Variants in RNF34 observed in about 807,000 individuals in gnomAD.
RNF34 encodes E3 ubiquitin-protein ligase RNF34.
Under a neutral mutation model 37.9 loss-of-function variants are expected in RNF34, and 12 were observed. That is an observed-to-expected ratio of 0.32 (90% CI 0.20 to 0.51). The LOEUF is 0.51. Ranked by LOEUF, RNF34 falls within the 20% of genes least tolerant of loss-of-function variation. The probability of loss-of-function intolerance (pLI) is 0.97; values close to 1 mark genes in which losing one functional copy is unlikely to be tolerated. For missense variants in RNF34, 362 were observed against 472.7 expected, an observed-to-expected ratio of 0.77 and a Z score of 2.17; for synonymous variants, 155 against 177.2, an observed-to-expected ratio of 0.87 and a Z score of 1.00.
chr12:121,406,857 T>G (rs1232118381), intron 1 of RNF34, among the ~76,000 whole-genome samples: 4 of 152,208 alleles, frequency 2.6e-5, no homozygotes, highest in Non-Finnish European at 5.9e-5. Context: ...TGTTTTAAAC[T>G]ACATTCATGG....
intron 1 of RNF34, among the ~76,000 whole-genome samples, chr12:121,409,190 G>T (rs187530348): frequency 1.3e-5 from 2 of 152,252 alleles, no homozygotes; most frequent in Non-Finnish European, 2.9e-5. Flanking sequence ...ATGTTGGCCA[G>T]GCTGGTCTCA....
chr12:121,423,520 G>C lies in RNF34; in HGVS notation c.1063G>C (p.Glu355Gln). The change falls in exon 6 of 6, where the codon GAG becomes CAG. Residue 355 changes from glutamate (E) to glutamine (Q), a missense_variant. Glu to Gln is a conservative substitution (Grantham distance 29). Coordinates refer to ENST00000361234, the MANE Select transcript of RNF34 (RefSeq NM_025126.4). The surrounding 1 kb of genome is among the most constrained non-coding windows in gnomAD (Gnocchi z 4.3). The part of the protein sequence containing the change: ...TCTKCGKRMS[E>Q]CPICRQYVVR... ...CACCAAGTGCGGCAAGCGCATGAGT[G>C]AGTGTCCCATCTGCCGGCAGTATGT... The C allele has an allele frequency of 1.2e-6, 2 of 1,614,214 alleles. No individual in the cohort carries two copies. Among genetic ancestry groups the C allele is most frequent in the Non-Finnish European group, 1.7e-6 (2 of 1,180,036 alleles).
rs1555279831 is a variant in RNF34 at position 121,400,233 on chromosome 12, G to T, written c.6+15G>T. On this transcript the variant is annotated intron_variant, in intron 1 of 5. Coordinates refer to ENST00000361234, the MANE Select transcript of RNF34 (RefSeq NM_025126.4). ...CGGCCATGAAGGTGAGGGGCCGGTG[G>T]AGCCGGACAGACCCTCCTCGCCAAT... 6.2e-7 allele frequency: 1 copy of T among 1,608,088 alleles called. No individual in the cohort carries two copies. The highest frequency in any genetic ancestry group is 2.2e-5 in the East Asian group (1 of 44,566).
chr12:121,414,762 T>C (rs1871400580), intron 1 of RNF34, among the ~76,000 whole-genome samples: 2 of 151,350 alleles, frequency 1.3e-5, no homozygotes. Flanking sequence ...AATCTCCGCC[T>C]CCCGAATTCA....
At chr12:121,407,404 A>G (rs1314930726) in intron 1 of RNF34, among the ~76,000 whole-genome samples, 1 of 152,244 alleles carries the variant, frequency 6.6e-6, no homozygotes, top group Non-Finnish European at 1.5e-5. Flanking sequence ...CCAAAAGGGT[A>G]TGCCTAGTAT....
chr12:121,420,744 G>T lies in RNF34; in HGVS notation c.894G>T (p.Arg298=), dbSNP rs143217753. 6.2e-7 allele frequency: 1 copy of T among 1,613,840 alleles called. No individual in the cohort carries two copies. The highest frequency in any genetic ancestry group is 8.5e-7 in the Non-Finnish European group (1 of 1,179,872). The change falls in exon 5 of 6, where the codon CGG becomes CGT. Residue 298 remains arginine, a synonymous_variant. Coordinates refer to ENST00000361234, the MANE Select transcript of RNF34 (RefSeq NM_025126.4). ...EKWELVEKVN[R]LYKENEENQK... ...GGGAACTGGTAGAGAAAGTAAACCGGTTATACAAAGAGAATGAAGAAAACC... is the reference window on the plus strand; with the variant it reads ...GGGAACTGGTAGAGAAAGTAAACCGTTTATACAAAGAGAATGAAGAAAACC...
At chr12:121,405,145 T>A (rs1870402070) in intron 1 of RNF34, 1 of 152,242 alleles carries the variant, frequency 6.6e-6, no homozygotes, top group Non-Finnish European at 1.5e-5. Flanking sequence ...ATTTGCTTCC[T>A]CTCCTTTGCT....
chr12:121,402,800 T>C (rs782654219), intron 1 of RNF34: 2 of 1,601,918 alleles, frequency 1.2e-6, no homozygotes, highest in Non-Finnish European at 1.7e-6. Context: ...AACCCAAGCA[T>C]GAGGAAGGTA....
Position 121,423,515 on chromosome 12 carries a change from T to C in RNF34, c.1058T>C (p.Met353Thr). 6.2e-7 allele frequency: 1 copy of C among 1,614,214 alleles called. No homozygotes were observed. The highest frequency in any genetic ancestry group is 8.5e-7 in the Non-Finnish European group (1 of 1,180,024). ...MVTCTKCGKR[M>T]SECPICRQYV... ...ACCTGCACCAAGTGCGGCAAGCGCA[T>C]GAGTGAGTGTCCCATCTGCCGGCAG... is the stretch of plus-strand genomic sequence containing the variant. Residue 353 changes from methionine (M) to threonine (T), a missense_variant, in exon 6 of 6, where the codon ATG becomes ACG. By Grantham distance (81) the Met-to-Thr change is moderately conservative. Transcript: ENST00000361234. The surrounding 1 kb of genome is among the most constrained non-coding windows in gnomAD (Gnocchi z 4.3).
intron 1 of RNF34, among the ~76,000 whole-genome samples, chr12:121,404,465 G>A (rs10849877): frequency 0.34 from 44,862 of 132,044 alleles, 8,371 homozygotes; most frequent in East Asian, 0.48. Flanking sequence ...CACCATCTCA[G>A]CTTACTGCAG....
chr12:121,423,750 G>A lies in RNF34; in HGVS notation c.*174G>A, dbSNP rs944344227. The A allele has an allele frequency of 2.9e-5, 18 of 619,086 alleles. No homozygotes were observed. Among genetic ancestry groups the A allele is most frequent in the Middle Eastern group, 2.8e-4 (1 of 3,624 alleles). 38.3% of individuals were successfully genotyped at this position (619,086 alleles called of 1,614,324 possible). A position where few individuals can be genotyped will look rare whatever the true frequency, so the allele number is the denominator to read the frequency against. ...AGTTGTGGAAACATTGGTCCATGCC[G>A]TGAGCCTGTCTGCCTGTGGACACGT... On this transcript the variant is annotated 3_prime_UTR_variant, in exon 6 of 6. Coordinates refer to ENST00000361234, the MANE Select transcript of RNF34 (RefSeq NM_025126.4). This position sits in a 1 kb window ranked among gnomAD's most constrained non-coding sequence, Gnocchi z 4.3.
chr12:121,419,265 G>A (rs1300934171), intron 3 of RNF34, among the ~76,000 whole-genome samples: 2 of 152,132 alleles, frequency 1.3e-5, no homozygotes, highest in African/African-American at 2.4e-5. Flanking sequence ...CTTCGTAGCC[G>A]GCCATGCCCT....
intron 1 of RNF34, among the ~76,000 whole-genome samples, chr12:121,404,387 C>CTTTTTTATTTT (rs1870306880): frequency 1.5e-5 from 1 of 65,824 alleles, no homozygotes; most frequent in Non-Finnish European, 2.4e-5. Context: ...GTCATTTAAT[C>CTTTTTTATTTT]TTTTTTTTTT....
Position 121,417,251 on chromosome 12 carries a change from T to A in RNF34, c.226-253T>A, listed in dbSNP as rs1367149533. Among the ~76,000 whole-genome samples, 1 of 152,254 alleles carries A rather than the reference T, an allele frequency of 6.6e-6. No homozygotes were observed. Among genetic ancestry groups the A allele is most frequent in the Non-Finnish European group, 1.5e-5 (1 of 68,046 alleles). On this transcript the variant is annotated intron_variant, in intron 2 of 5. Transcript: ENST00000361234. The surrounding 1 kb of genome is among the most constrained non-coding windows in gnomAD (Gnocchi z 5.0). The stretch of plus-strand genomic sequence containing the variant: ...ATGTTTATACCAAGGGGTGGAAAGG[T>A]TTTAATTCATTAACACAAGAGTGTG...
In RNF34 at chr12:121,417,596, A is replaced by G; in HGVS notation, c.318A>G (p.Gln106=). 1.2e-6 allele frequency: 2 copies of G among 1,614,238 alleles called. No individual in the cohort carries two copies. The highest frequency in any genetic ancestry group is 8.5e-7 in the Non-Finnish European group (1 of 1,180,038). ...LRRCSTCHLL[Q]ETAFQRPQLM... ...GATGTTCTACTTGTCACTTATTACA[A>G]GAGACAGCATTTCAGCGCCCTCAGT... Residue 106 remains glutamine (Q), a synonymous_variant, in exon 3 of 6, where the codon CAA becomes CAG. Transcript: ENST00000361234. This position sits in a 1 kb window ranked among gnomAD's most constrained non-coding sequence, Gnocchi z 5.0.
At chr12:121,407,770 G>A (rs1327777898) in intron 1 of RNF34, among the ~76,000 whole-genome samples, 2 of 152,216 alleles carry the variant, frequency 1.3e-5, no homozygotes, top group African/African-American at 4.8e-5. Flanking sequence ...GGTCTCTAAA[G>A]CTTTTAAAAG....
rs1555283365 is a variant in RNF34, at chr12:121,421,383, A to AC, written c.928+605_928+606insC. Among the ~76,000 whole-genome samples the AC allele has an allele frequency of 7.7e-3, 1,138 of 147,610 alleles. 15 individuals carry two copies. The highest frequency in any genetic ancestry group is 0.014 in the Middle Eastern group (4 of 290). On this transcript the variant is annotated intron_variant, in intron 5 of 5. Transcript: ENST00000361234. ...GAGATCCCATCTCTAAAAAAAAAAA[A>AC]AAAAAAAAAAAAAAACCAAAAAAAC...
At position 121,423,741 on chromosome 12, in the gene RNF34, G is replaced by T. The variant is rs1334128360; in HGVS notation, c.*165G>T. The T allele has an allele frequency of 3.1e-6, 2 of 647,664 alleles. No homozygotes were observed. Among genetic ancestry groups the T allele is most frequent in the Non-Finnish European group, 5.1e-6 (2 of 389,030 alleles). The allele number at this position is 647,664 out of a possible 1,614,324, so 40.1% of individuals were successfully genotyped here. ...TCCATCCTGAGTTGTGGAAACATTGGTCCATGCCGTGAGCCTGTCTGCCTG... is the reference window on the plus strand; with the variant it reads ...TCCATCCTGAGTTGTGGAAACATTGTTCCATGCCGTGAGCCTGTCTGCCTG... On this transcript the variant is annotated 3_prime_UTR_variant, in exon 6 of 6. Coordinates refer to ENST00000361234, the MANE Select transcript of RNF34 (RefSeq NM_025126.4). The surrounding 1 kb of genome is among the most constrained non-coding windows in gnomAD (Gnocchi z 4.3).
Position 121,423,813 on chromosome 12 carries a change from C to T in RNF34, c.*237C>T, listed in dbSNP as rs570098861. On this transcript the variant is annotated 3_prime_UTR_variant, in exon 6 of 6. Coordinates refer to ENST00000361234, the MANE Select transcript of RNF34 (RefSeq NM_025126.4). The surrounding 1 kb of genome is among the most constrained non-coding windows in gnomAD (Gnocchi z 4.3). Reference sequence around the variant, plus strand: ...CTCAGCTGGGCTTTATCACACATCCCGTGAACACTCATTGAAGTCAGCCTG... The same window carrying T: ...CTCAGCTGGGCTTTATCACACATCCTGTGAACACTCATTGAAGTCAGCCTG... 5 of 468,740 alleles carry T rather than the reference C, an allele frequency of 1.1e-5. No individual in the cohort carries two copies. Among genetic ancestry groups the T allele is most frequent in the South Asian group, 2.9e-5 (1 of 34,626 alleles). The allele number at this position is 468,740 out of a possible 1,614,324, so 29.0% of individuals were successfully genotyped here.
Sources: gnomAD v4.1 joint callset for allele counts (sites outside exome capture counted in the v4.1 genomes callset) on GRCh38, gnomAD v4.1.1 for gene constraint, Gnocchi (gnomAD v3.1) non-coding constraint, MANE v1.5 for transcripts, NCBI Gene and HGNC (gene_info 2026-07-23, HGNC 2026-07-21) for gene names.